Variants in LINGO2 observed in about 807,000 individuals in gnomAD.
LINGO2 encodes the protein leucine-rich repeat and immunoglobulin-like domain-containing nogo receptor-interacting protein 2.
In LINGO2, 14 loss-of-function variants were observed where a neutral mutation model predicts 30.6. That is an observed-to-expected ratio of 0.46 (90% CI 0.30 to 0.72). LINGO2 has a LOEUF of 0.72. Ranked by LOEUF, LINGO2 falls within the 30% of genes least tolerant of loss-of-function variation. The pLI is 0.07. For missense variants in LINGO2, 729 were observed against 751.7 expected (o/e 0.97, Z 0.35); for synonymous variants, 317 against 288.5 (o/e 1.10, Z -1.00).
At chr9:28,527,188 A>C (rs7039545) in intron 1 of LINGO2, among the ~76,000 whole-genome samples, 4,476 of 152,258 alleles carry the variant, frequency 0.029, 231 homozygotes, top group African/African-American at 0.1. Context: ...GGTTCACTGG[A>C]CAATTGATGA....
chr9:27,994,164 AAT>A (rs1487004024), intron 5 of LINGO2, among the ~76,000 whole-genome samples: 2 of 152,064 alleles, frequency 1.3e-5, no homozygotes, highest in African/African-American at 4.8e-5. Context: ...ACTAAACGGA[AAT>A]TTATAGCAAT....
the LINGO2 span, among the ~76,000 whole-genome samples, chr9:29,071,154 T>TATTGTATTG: frequency 1.5e-5 from 2 of 137,752 alleles, no homozygotes; most frequent in Non-Finnish European, 3.1e-5. Flanking sequence ...TCACAGAGAA[T>TATTGTATTG]TATTGTATTG....
chr9:28,819,497 A>AT, the LINGO2 span, among the ~76,000 whole-genome samples: 1 of 152,142 alleles, frequency 6.6e-6, no homozygotes, highest in Admixed American at 6.5e-5. Context: ...ATTGTGTTAT[A>AT]TTTATTTGTA....
intron 1 of LINGO2, among the ~76,000 whole-genome samples, chr9:28,528,729 C>A (rs1429636819): frequency 6.6e-6 from 1 of 151,868 alleles, no homozygotes; most frequent in Non-Finnish European, 1.5e-5. Context: ...TAAATAATGT[C>A]AACACACCAT....
chr9:28,075,191 A>G (rs1825588795), intron 4 of LINGO2, among the ~76,000 whole-genome samples: 1 of 151,968 alleles, frequency 6.6e-6, no homozygotes, highest in Non-Finnish European at 1.5e-5. Context: ...TACATATTTT[A>G]AAATTCTGTA....
the LINGO2 span, among the ~76,000 whole-genome samples, chr9:29,111,782 C>T: frequency 1.6e-5 from 2 of 127,464 alleles, no homozygotes; most frequent in Admixed American, 1.6e-4. Flanking sequence ...GGCATAATAC[C>T]TAAAGTTCCA....
At chr9:28,415,831 G>T (rs949381209) in intron 2 of LINGO2, among the ~76,000 whole-genome samples, 2 of 152,186 alleles carry the variant, frequency 1.3e-5, no homozygotes, top group Non-Finnish European at 2.9e-5. Flanking sequence ...CTGGCACATA[G>T]TAAGTGCTAA....
chr9:29,122,245 C>A, the LINGO2 span, among the ~76,000 whole-genome samples: 1 of 151,746 alleles, frequency 6.6e-6, no homozygotes, highest in Admixed American at 6.6e-5. Flanking sequence ...TCAAGGAAAA[C>A]AAATCTCATT....
intron 2 of LINGO2, among the ~76,000 whole-genome samples, chr9:28,437,266 T>C (rs914918129): frequency 1.3e-5 from 2 of 152,176 alleles, no homozygotes; most frequent in African/African-American, 4.8e-5. Context: ...TCTTCTGCCT[T>C]TGTACTTCGT....
At chr9:28,632,204 G>T (rs1018091852) in intron 1 of LINGO2, among the ~76,000 whole-genome samples, 13 of 152,120 alleles carry the variant, frequency 8.5e-5, no homozygotes, top group Admixed American at 3.3e-4. Flanking sequence ...GCAAACTCAA[G>T]GAAGTGTTAA....
At chr9:28,095,093 A>G (rs1184303909) in intron 4 of LINGO2, among the ~76,000 whole-genome samples, 2 of 152,134 alleles carry the variant, frequency 1.3e-5, no homozygotes, top group African/African-American at 4.8e-5. Flanking sequence ...TTCCATTCAG[A>G]TTTTTGAAAA....
intron 3 of LINGO2, among the ~76,000 whole-genome samples, chr9:28,309,814 T>C (rs1309089593): frequency 1.3e-5 from 2 of 151,672 alleles, no homozygotes; most frequent in Admixed American, 6.6e-5. Flanking sequence ...AACTTAATCA[T>C]ATAAAAGCAA....
chr9:28,887,050 G>C, the LINGO2 span, among the ~76,000 whole-genome samples: 1 of 152,076 alleles, frequency 6.6e-6, no homozygotes, highest in African/African-American at 2.4e-5. Context: ...GAACAAGAAA[G>C]CCTAATGTAT....
the LINGO2 span, chr9:28,888,865 A>G: frequency 3.7e-6 from 2 of 533,828 alleles, no homozygotes; most frequent in Non-Finnish European, 7.7e-6. Flanking sequence ...AGCAGTAGAA[A>G]TGAGTAGGAA....
chr9:29,044,375 C>G, the LINGO2 span, among the ~76,000 whole-genome samples: 3 of 151,918 alleles, frequency 2.0e-5, no homozygotes, highest in African/African-American at 4.8e-5. Context: ...ATTCATTAGT[C>G]TATAGCAATA....
chr9:28,749,843 G>A, the LINGO2 span, among the ~76,000 whole-genome samples: 3 of 152,004 alleles, frequency 2.0e-5, no homozygotes, highest in Non-Finnish European at 4.4e-5. Context: ...AAATTAATCT[G>A]ATGCTTATAT....
In LINGO2 at chr9:28,064,125, G is replaced by C. The variant is rs555883007; in HGVS notation, c.-86-51720C>G. ...AAGAGGGAAAGAACTGGTGATAACA[G>C]GTCAGCCCCCGTTAGCAGCAGTGGC... On this transcript the variant is annotated intron_variant, in intron 4 of 5. Transcript: ENST00000379992. 3.3e-5 allele frequency among the ~76,000 whole-genome samples: 5 copies of C among 152,246 alleles called. No homozygotes were observed. In the South Asian group the frequency reaches 1.0e-3, roughly 32 times the overall value.
chr9:28,920,283 T>C, the LINGO2 span, among the ~76,000 whole-genome samples: 1 of 151,778 alleles, frequency 6.6e-6, no homozygotes, highest in African/African-American at 2.4e-5. Context: ...TGCATCTTTA[T>C]AGAGGACTAG....
At chr9:29,078,994 A>G in the LINGO2 span, among the ~76,000 whole-genome samples, 2 of 151,988 alleles carry the variant, frequency 1.3e-5, no homozygotes, top group Non-Finnish European at 2.9e-5. Flanking sequence ...GCATTATACT[A>G]AATCCCCATT....
Sources: gnomAD v4.1 joint callset for allele counts (sites outside exome capture counted in the v4.1 genomes callset) on GRCh38, gnomAD v4.1.1 for gene constraint, MANE v1.5 for transcripts, NCBI Gene and HGNC (gene_info 2026-07-23, HGNC 2026-07-21) for gene names.